The following AKAP6 variants were observed in gnomAD, a reference collection of about 807,000 sequenced individuals.
AKAP6 encodes the protein A-kinase anchoring protein 6.
AKAP6 carries 58 observed loss-of-function variants against 188.5 expected under a neutral mutation model. The ratio of observed to expected loss-of-function variants is 0.31; its 90% CI spans 0.25 to 0.38. The LOEUF (loss-of-function observed/expected upper bound fraction) is 0.38. AKAP6 is among the 10% of genes least tolerant of loss of function. AKAP6 has a pLI of 1.00. For missense variants in AKAP6, 2,710 were observed against 2,740.0 expected (o/e 0.99, Z 0.24); for synonymous variants, 989 against 998.6 (o/e 0.99, Z 0.18).
At chr14:32,379,357 G>A (rs1039557851) in intron 1 of AKAP6, among the ~76,000 whole-genome samples, 2 of 152,070 alleles carry the variant, frequency 1.3e-5, no homozygotes, top group African/African-American at 2.4e-5. Context: ...GCTGTCAACC[G>A]TCCTCTGTAA....
intron 12 of AKAP6, among the ~76,000 whole-genome samples, chr14:32,786,948 C>T (rs1046986155): frequency 2.0e-4 from 31 of 152,136 alleles, no homozygotes; most frequent in Admixed American, 1.6e-3. Flanking sequence ...AACAGAACAT[C>T]GTGTCTAGAG....
chr14:32,330,580 T>C (rs1007687695), intron 1 of AKAP6, among the ~76,000 whole-genome samples: 1 of 151,998 alleles, frequency 6.6e-6, no homozygotes, highest in African/African-American at 2.4e-5. Flanking sequence ...GCCAAATTGA[T>C]AGTTTTTACT....
intron 1 of AKAP6, among the ~76,000 whole-genome samples, chr14:32,349,977 A>G (rs1052450814): frequency 6.6e-6 from 1 of 152,224 alleles, no homozygotes; most frequent in African/African-American, 2.4e-5. Flanking sequence ...GAGTTAAAAT[A>G]TAAAATAAAT....
intron 11 of AKAP6, among the ~76,000 whole-genome samples, chr14:32,763,532 T>C (rs923708632): frequency 1.3e-5 from 2 of 152,260 alleles, no homozygotes; most frequent in Admixed American, 1.3e-4. Flanking sequence ...ATATGATGTA[T>C]GTTATGTAAA....
At chr14:32,453,378 A>T (rs1465183323) in intron 2 of AKAP6, among the ~76,000 whole-genome samples, 1 of 152,048 alleles carries the variant, frequency 6.6e-6, no homozygotes, top group Non-Finnish European at 1.5e-5. Context: ...TATAGTCACG[A>T]GGTGGCGGGA....
chr14:32,787,175 A>C (rs2033447997), intron 12 of AKAP6, among the ~76,000 whole-genome samples: 1 of 152,252 alleles, frequency 6.6e-6, no homozygotes, highest in African/African-American at 2.4e-5. Context: ...GGAAATTTGC[A>C]ATGATCAGAC....
chr14:32,804,056 C>G (rs1409724076), intron 12 of AKAP6, among the ~76,000 whole-genome samples: 2 of 152,170 alleles, frequency 1.3e-5, no homozygotes, highest in Non-Finnish European at 2.9e-5. Context: ...GCCCAACCTA[C>G]CAGAATCTCT....
At chr14:32,720,892 A>C (rs145253577) in intron 9 of AKAP6, among the ~76,000 whole-genome samples, 1 of 152,310 alleles carries the variant, frequency 6.6e-6, no homozygotes, top group Non-Finnish European at 1.5e-5. Context: ...GTAGTGCCAA[A>C]TTCAACAGAA....
At chr14:32,379,127 G>A (rs560137347) in intron 1 of AKAP6, among the ~76,000 whole-genome samples, 1 of 151,988 alleles carries the variant, frequency 6.6e-6, no homozygotes, top group African/African-American at 2.4e-5. Context: ...CACCATGTTG[G>A]CCAGGCTGGT....
At chr14:32,347,170 A>G (rs1243532739) in intron 1 of AKAP6, among the ~76,000 whole-genome samples, 1 of 152,250 alleles carries the variant, frequency 6.6e-6, no homozygotes, top group Non-Finnish European at 1.5e-5. Context: ...ATCCTTTTAA[A>G]TCAATGGTTG....
intron 1 of AKAP6, among the ~76,000 whole-genome samples, chr14:32,389,007 G>T (rs1888621988): frequency 6.6e-6 from 1 of 152,034 alleles, no homozygotes; most frequent in Non-Finnish European, 1.5e-5. Flanking sequence ...AGGTCTGTTA[G>T]TAATTGTTTT....
intron 7 of AKAP6, among the ~76,000 whole-genome samples, chr14:32,618,947 T>A (rs998004461): frequency 6.6e-6 from 1 of 152,214 alleles, no homozygotes; most frequent in Non-Finnish European, 1.5e-5. Context: ...ATTTTAAGCA[T>A]TTTTTCGTGT....
At chr14:32,813,077 A>C (rs1159836733) in intron 12 of AKAP6, among the ~76,000 whole-genome samples, 1 of 152,184 alleles carries the variant, frequency 6.6e-6, no homozygotes, top group Admixed American at 6.5e-5. Flanking sequence ...GATGCCAATC[A>C]CGCAATTTCC....
At chr14:32,592,000 A>G (rs1885507733) in intron 5 of AKAP6, among the ~76,000 whole-genome samples, 1 of 152,224 alleles carries the variant, frequency 6.6e-6, no homozygotes, top group South Asian at 2.1e-4. Context: ...ATTGGCAAGT[A>G]ATTTTGTAAG....
chr14:32,495,641 G>T (rs761239979), intron 2 of AKAP6, among the ~76,000 whole-genome samples: 1 of 152,152 alleles, frequency 6.6e-6, no homozygotes, highest in Non-Finnish European at 1.5e-5. Flanking sequence ...TTCACACAAA[G>T]TGCGACTTAT....
intron 7 of AKAP6, among the ~76,000 whole-genome samples, chr14:32,607,688 C>A (rs2139372286): frequency 6.6e-6 from 1 of 152,254 alleles, no homozygotes; most frequent in East Asian, 1.9e-4. Context: ...AGATTCAGAT[C>A]ATCTTAATTA....
Position 32,823,714 on chromosome 14 carries a change from C to G in AKAP6, c.5901C>G (p.His1967Gln), listed in dbSNP as rs1187408198. 10 of 1,613,698 alleles carry G rather than the reference C, an allele frequency of 6.2e-6. No homozygotes were observed. The highest frequency in any genetic ancestry group is 8.5e-6 in the Non-Finnish European group (10 of 1,179,914). The change falls in exon 13 of 14, where the codon CAC (histidine) becomes CAG (glutamine). Residue 1967 changes from histidine (H) to glutamine (Q), a missense_variant. By Grantham distance (24) the His-to-Gln change is conservative. Around this residue, in one of 2 missense-constraint regions of AKAP6, gnomAD observed 2,473 missense variants for 2,426.1 expected, o/e 1.02. Transcript: ENST00000280979. ...ATCTTCCAAAGAAATGTCCAAATCA[C>G]CACCATTTTGAAAATCAAAGCACTG... ...VRHLPKKCPN[H>Q]HHFENQSTAS...
At position 32,806,103 on chromosome 14, in the gene AKAP6, G is replaced by A. The variant is rs2034082226; in HGVS notation, c.3589-15299G>A. ...CATGGATTGAAAGGAACTGAACCTG[G>A]GGGCAGATAATCAAGAAGTACCATT... On this transcript the variant is annotated intron_variant, in intron 12 of 13. Transcript: ENST00000280979. Among the ~76,000 whole-genome samples the A allele has an allele frequency of 7.9e-5, 12 of 152,276 alleles. No homozygotes were observed. The South Asian group carries it at 2.5e-3, about 32-fold the overall frequency.
intron 11 of AKAP6, among the ~76,000 whole-genome samples, chr14:32,765,223 G>T (rs370839025): frequency 6.6e-6 from 1 of 152,068 alleles, no homozygotes; most frequent in African/African-American, 2.4e-5. Flanking sequence ...GTGAGCCACC[G>T]CACCCGGCTT....
Sources: allele counts gnomAD v4.1 joint callset (sites outside exome capture counted in the v4.1 genomes callset), GRCh38; gene constraint gnomAD v4.1.1; regional missense constraint gnomAD v4.1.1; transcripts MANE v1.5; gene names NCBI Gene and HGNC (gene_info 2026-07-23, HGNC 2026-07-21).